The following FAM114A1 variants were observed in gnomAD, a reference collection of about 807,000 sequenced individuals.
FAM114A1 encodes protein NOXP20.
Under a neutral mutation model 64.3 loss-of-function variants are expected in FAM114A1, and 62 were observed. The ratio of observed to expected loss-of-function variants is 0.96; its 90% CI spans 0.79 to 1.19. The LOEUF is 1.19. Ranked by LOEUF, FAM114A1 falls within the 50% of genes most tolerant of loss-of-function variation. The pLI is 0.00. For missense variants in FAM114A1, 645 were observed against 676.3 expected, an observed-to-expected ratio of 0.95 and a Z score of 0.51; for synonymous variants, 254 against 251.1, an observed-to-expected ratio of 1.01 and a Z score of -0.11.
chr4:38,880,430 T>G (rs937560787), intron 3 of FAM114A1, among the ~76,000 whole-genome samples: 3 of 152,224 alleles, frequency 2.0e-5, no homozygotes, highest in Non-Finnish European at 4.4e-5. Context: ...CCTTTCATTC[T>G]TTTGGCTACT....
chr4:38,921,022 C>G (rs2109745804), intron 8 of FAM114A1, among the ~76,000 whole-genome samples: 1 of 152,360 alleles, frequency 6.6e-6, no homozygotes, highest in African/African-American at 2.4e-5. Flanking sequence ...CAGATGCCCT[C>G]TCTACCTCTC....
In FAM114A1 at chr4:38,931,721, T is replaced by C. The variant is rs142953171; in HGVS notation, c.1323+109T>C. 56 of 1,214,362 alleles carry C rather than the reference T, an allele frequency of 4.6e-5. No homozygotes were observed. The African/African-American group carries it at 7.3e-4, about 16-fold the overall frequency. The allele number at this position is 1,214,362 out of a possible 1,614,324, so 75.2% of individuals were successfully genotyped here. On this transcript the variant is annotated intron_variant, in intron 11 of 14. Transcript: ENST00000358869. Reference sequence around the variant, plus strand: ...CCATTTCTTTTTCATTTGTTCCGTGTTATAGAAATATAAGTTTGAGACCAG... The same window carrying C: ...CCATTTCTTTTTCATTTGTTCCGTGCTATAGAAATATAAGTTTGAGACCAG...
chr4:38,891,682 G>T, intron 3 of FAM114A1, 61 bp from the exon 4 acceptor site: 1 of 1,398,128 alleles, frequency 7.2e-7, no homozygotes, highest in Non-Finnish European at 9.8e-7. Flanking sequence ...AAACCAATAG[G>T]TGTTTTTCCA....
At position 38,885,698 on chromosome 4, in the gene FAM114A1, G is replaced by A. The variant is rs972581773; in HGVS notation, c.349-6045G>A. On this transcript the variant is annotated intron_variant, in intron 3 of 14. Transcript: ENST00000358869. ...GCAGTTAGGTGTGGTAATTGGTAAA[G>A]CATCAGATGTTACCAGATACAGATA... Among the ~76,000 whole-genome samples the A allele has an allele frequency of 5.3e-5, 8 of 152,308 alleles. No homozygotes were observed. The East Asian group carries it at 1.5e-3, about 29-fold the overall frequency.
Position 38,908,623 on chromosome 4 carries a change from C to T in FAM114A1, c.689C>T (p.Ala230Val), listed in dbSNP as rs373535805. 1.9e-5 allele frequency: 31 copies of T among 1,613,092 alleles called. No individual in the cohort carries two copies. Among genetic ancestry groups the T allele is most frequent in the Non-Finnish European group, 2.3e-5 (27 of 1,179,392 alleles). ...AGTGTCTTAACTGGAGGCCTTGATGCGTTGGAATTCATCGGCAAGAAAACC... is the reference window on the plus strand; with the variant it reads ...AGTGTCTTAACTGGAGGCCTTGATGTGTTGGAATTCATCGGCAAGAAAACC... The part of the protein sequence containing the change: ...GKSVLTGGLD[A>V]LEFIGKKTMN... Residue 230 changes from alanine (A) to valine (V), a missense_variant, in exon 7 of 15, where the codon GCG becomes GTG. Ala to Val is a moderately conservative substitution (Grantham distance 64). Transcript: ENST00000358869.
intron 2 of FAM114A1, among the ~76,000 whole-genome samples, chr4:38,870,641 T>C (rs1479685850): frequency 6.6e-6 from 1 of 152,202 alleles, no homozygotes; most frequent in African/African-American, 2.4e-5. Flanking sequence ...TTTCTGTGGG[T>C]TGAGTCTCCC....
chr4:38,907,599 A>G (rs941649601), intron 6 of FAM114A1, among the ~76,000 whole-genome samples: 2 of 152,216 alleles, frequency 1.3e-5, no homozygotes, highest in African/African-American at 4.8e-5. Context: ...GATTTACAGC[A>G]TGATTACTGG....
intron 8 of FAM114A1, among the ~76,000 whole-genome samples, chr4:38,920,571 C>A (rs1401264770): frequency 6.6e-6 from 1 of 152,168 alleles, no homozygotes; most frequent in Non-Finnish European, 1.5e-5. Context: ...CCAGGGGTGC[C>A]CCAAATGGAA....
intron 2 of FAM114A1, among the ~76,000 whole-genome samples, chr4:38,870,564 C>T (rs1713947260): frequency 6.6e-6 from 1 of 152,138 alleles, no homozygotes; most frequent in Non-Finnish European, 1.5e-5. Context: ...AACTTATTCC[C>T]AGCCCACAAA....
At chr4:38,932,857 A>ATTT (rs34761547) in intron 12 of FAM114A1, among the ~76,000 whole-genome samples, 2,440 of 142,942 alleles carry the variant, frequency 0.017, 69 homozygotes, top group African/African-American at 0.059. Flanking sequence ...AGAAATAAGG[A>ATTT]TTTTTTTTTT....
chr4:38,924,756 G>C (rs1408624384), intron 9 of FAM114A1, among the ~76,000 whole-genome samples: 1 of 152,160 alleles, frequency 6.6e-6, no homozygotes, highest in Admixed American at 6.6e-5. Flanking sequence ...AACACTAGCT[G>C]TCAAAGGTCA....
chr4:38,925,027 A>T (rs1719978711), intron 9 of FAM114A1, among the ~76,000 whole-genome samples: 1 of 152,262 alleles, frequency 6.6e-6, no homozygotes, highest in Non-Finnish European at 1.5e-5. Flanking sequence ...ACTTAATTTC[A>T]ACTTAAATAG....
At chr4:38,924,407 C>T (rs542050864) in intron 9 of FAM114A1, among the ~76,000 whole-genome samples, 1 of 152,320 alleles carries the variant, frequency 6.6e-6, no homozygotes, top group East Asian at 1.9e-4. Context: ...AAATCGCTGG[C>T]AGTGTTTTGT....
At chr4:38,934,004 TA>T (rs1223158813) in intron 12 of FAM114A1, among the ~76,000 whole-genome samples, 6 of 152,182 alleles carry the variant, frequency 3.9e-5, no homozygotes, top group African/African-American at 1.4e-4. Flanking sequence ...TCTAAGGATA[TA>T]AAAATCAAAG....
chr4:38,891,861 A>G (rs1716438952), intron 4 of FAM114A1, 31 bp downstream of exon 4: 8 of 1,574,504 alleles, frequency 5.1e-6, no homozygotes, highest in Non-Finnish European at 6.0e-6. Flanking sequence ...TGGAATAGAC[A>G]AAGTACCAAA....
intron 3 of FAM114A1, among the ~76,000 whole-genome samples, chr4:38,880,177 A>ATAGAATAGAATAGAATAGAATAGAATAG (rs71191000): frequency 1.3e-5 from 2 of 151,062 alleles, no homozygotes; most frequent in South Asian, 2.1e-4. Flanking sequence ...ATAGAATAGA[A>ATAGAATAGAATAGAATAGAATAGAATAG]AATATTGATG....
At position 38,935,393 on chromosome 4, in the gene FAM114A1, G is replaced by C. The variant is rs186827802; in HGVS notation, c.1464-325G>C. ...CAAAAAGCTGGAAACCAGCCGTCTG[G>C]CCAGAGTGTATAAGCTCTACACATG... On this transcript the variant is annotated intron_variant, in intron 12 of 14. Transcript: ENST00000358869. Among the ~76,000 whole-genome samples, 1,421 of 152,164 alleles carry C rather than the reference G, an allele frequency of 9.3e-3. 22 individuals carry two copies. The highest frequency in any genetic ancestry group is 0.053 in the South Asian group (255 of 4,810).
At chr4:38,873,727 A>G (rs1414130334) in intron 2 of FAM114A1, among the ~76,000 whole-genome samples, 1 of 152,232 alleles carries the variant, frequency 6.6e-6, no homozygotes, top group Non-Finnish European at 1.5e-5. Flanking sequence ...TGGATGTGCC[A>G]GGCATTGCAC....
intron 9 of FAM114A1, among the ~76,000 whole-genome samples, chr4:38,924,073 C>T (rs564234556): frequency 3.9e-5 from 6 of 152,164 alleles, no homozygotes; most frequent in Admixed American, 2.0e-4. Flanking sequence ...CCATTTGAAA[C>T]ATTTTCACCA....
Sources: allele counts gnomAD v4.1 joint callset (sites outside exome capture counted in the v4.1 genomes callset), GRCh38; gene constraint gnomAD v4.1.1; transcripts MANE v1.5; gene names NCBI Gene and HGNC (gene_info 2026-07-23, HGNC 2026-07-21).